The following FHIT variants were observed in gnomAD, a reference collection of about 807,000 sequenced individuals.
The protein encoded by FHIT is fragile histidine triad diadenosine triphosphatase.
In FHIT, 19 loss-of-function variants were observed where a neutral mutation model predicts 17.9. The observed-to-expected ratio is 1.06, with a 90% CI of 0.74 to 1.56. FHIT has a LOEUF of 1.56. Among genes scored for constraint, FHIT ranks in the 40% most tolerant of loss-of-function variants. FHIT has a pLI of 0.00. For missense variants in FHIT, 248 were observed against 189.2 expected (o/e 1.31, Z -1.82); for synonymous variants, 81 against 69.7 (o/e 1.16, Z -0.81).
chr3:60,348,223 T>A (rs77703956), intron 5 of FHIT, among the ~76,000 whole-genome samples: 2,284 of 152,246 alleles, frequency 0.015, 25 homozygotes, highest in Non-Finnish European at 0.024. Context: ...AATAAATGAA[T>A]GAAAAAAGCA....
intron 2 of FHIT, among the ~76,000 whole-genome samples, chr3:61,069,926 ATTG>A (rs2034745192): frequency 6.6e-6 from 1 of 152,014 alleles, no homozygotes; most frequent in Admixed American, 6.6e-5. Flanking sequence ...TGTTGTTGTC[ATTG>A]TTGTTTTTGA....
At chr3:61,228,524 C>A (rs2040023379) in intron 1 of FHIT, among the ~76,000 whole-genome samples, 1 of 152,154 alleles carries the variant, frequency 6.6e-6, no homozygotes, top group Admixed American at 6.6e-5. Flanking sequence ...TGAGGGCTCC[C>A]ATGTCACAAA....
At chr3:60,979,821 C>T (rs1710417479) in intron 3 of FHIT, among the ~76,000 whole-genome samples, 1 of 152,194 alleles carries the variant, frequency 6.6e-6, no homozygotes, top group South Asian at 2.1e-4. Flanking sequence ...GAAGAGGGGC[C>T]TCCTTCCCAT....
chr3:60,149,346 T>G (rs1180587230), intron 5 of FHIT, among the ~76,000 whole-genome samples: 1 of 152,026 alleles, frequency 6.6e-6, no homozygotes, highest in Admixed American at 6.5e-5. Flanking sequence ...AACATGCTTT[T>G]TTTTTTTTCA....
chr3:61,096,716 T>C (rs1311876494), intron 2 of FHIT, among the ~76,000 whole-genome samples: 3 of 152,154 alleles, frequency 2.0e-5, no homozygotes, highest in African/African-American at 7.2e-5. Context: ...CAAAAGTAGA[T>C]GTTCATGCTT....
chr3:59,976,605 G>A (rs1007365337), intron 7 of FHIT, among the ~76,000 whole-genome samples: 1 of 151,952 alleles, frequency 6.6e-6, no homozygotes. Flanking sequence ...CCAGGCACAC[G>A]CCCCAGCCTC....
At chr3:60,148,658 A>T (rs1037559145) in intron 5 of FHIT, among the ~76,000 whole-genome samples, 2 of 152,186 alleles carry the variant, frequency 1.3e-5, no homozygotes, top group African/African-American at 2.4e-5. Context: ...GTTAAAGACC[A>T]AATATCTGCC....
chr3:60,163,133 C>A (rs1273779004), intron 5 of FHIT, among the ~76,000 whole-genome samples: 1 of 41,578 alleles, frequency 2.4e-5, no homozygotes, highest in African/African-American at 1.7e-4. Context: ...TCTTTCACTG[C>A]CCTATGGCCC....
At chr3:60,083,144 G>A (rs183344075) in intron 5 of FHIT, among the ~76,000 whole-genome samples, 1 of 152,068 alleles carries the variant, frequency 6.6e-6, no homozygotes, top group Non-Finnish European at 1.5e-5. Flanking sequence ...TTTTGTATAT[G>A]GTGAAAGGTA....
At chr3:61,208,429 T>A (rs1214904060) in intron 1 of FHIT, among the ~76,000 whole-genome samples, 3 of 152,058 alleles carry the variant, frequency 2.0e-5, no homozygotes, top group Non-Finnish European at 4.4e-5. Context: ...AAGTCTCCCA[T>A]TATTATTGTG....
chr3:60,468,517 C>G (rs1319173838), intron 5 of FHIT, among the ~76,000 whole-genome samples: 1 of 151,992 alleles, frequency 6.6e-6, no homozygotes, highest in Non-Finnish European at 1.5e-5. Flanking sequence ...CATCTTGTAA[C>G]CCATTATATT....
chr3:59,769,580 C>T (rs1701972980), intron 8 of FHIT, among the ~76,000 whole-genome samples: 1 of 152,228 alleles, frequency 6.6e-6, no homozygotes, highest in Admixed American at 6.5e-5. Flanking sequence ...TTACCGCAAG[C>T]TGCCAGGCCA....
At chr3:59,997,437 T>C (rs549526092) in intron 7 of FHIT, among the ~76,000 whole-genome samples, 5 of 152,268 alleles carry the variant, frequency 3.3e-5, no homozygotes, top group South Asian at 2.1e-4. Flanking sequence ...CAAACTATTA[T>C]AGCTGGGGTT....
At chr3:60,835,293 A>G (rs1332229908) in intron 3 of FHIT, among the ~76,000 whole-genome samples, 1 of 152,136 alleles carries the variant, frequency 6.6e-6, no homozygotes, top group Non-Finnish European at 1.5e-5. Flanking sequence ...GAACTGCTTT[A>G]AACCTGTATA....
intron 8 of FHIT, among the ~76,000 whole-genome samples, chr3:59,787,481 AACACACACACAC>A (rs58100812): frequency 0.39 from 55,604 of 142,348 alleles, 11,220 homozygotes; most frequent in Non-Finnish European, 0.46. Context: ...CAAGGGGCAA[AACACACACACAC>A]ACACACACAC....
At chr3:60,520,179 A>C (rs1192145570) in intron 5 of FHIT, among the ~76,000 whole-genome samples, 1 of 152,218 alleles carries the variant, frequency 6.6e-6, no homozygotes, top group Non-Finnish European at 1.5e-5. Context: ...ATGATAGAAC[A>C]GACTAGTATC....
At chr3:61,194,617 A>C (rs1368565349) in intron 2 of FHIT, among the ~76,000 whole-genome samples, 1 of 152,226 alleles carries the variant, frequency 6.6e-6, no homozygotes, top group Non-Finnish European at 1.5e-5. Flanking sequence ...ATTTATGAGG[A>C]ATTGCATTTC....
intron 5 of FHIT, among the ~76,000 whole-genome samples, chr3:60,313,837 T>C (rs534427694): frequency 2.0e-5 from 3 of 152,286 alleles, no homozygotes; most frequent in South Asian, 4.2e-4. Context: ...AATTGAGAGA[T>C]GGCCCCAGAA....
chr3:60,392,941 G>A (rs937598579), intron 5 of FHIT, among the ~76,000 whole-genome samples: 1 of 152,126 alleles, frequency 6.6e-6, no homozygotes, highest in African/African-American at 2.4e-5. Flanking sequence ...GGTGGCTGAA[G>A]CTTTAGCGGA....
Sources: gnomAD v4.1 joint callset for allele counts (sites outside exome capture counted in the v4.1 genomes callset) on GRCh38, gnomAD v4.1.1 for gene constraint, MANE v1.5 for transcripts, NCBI Gene and HGNC (gene_info 2026-07-23, HGNC 2026-07-21) for gene names.